Variants in PEBP4 observed in about 807,000 individuals in gnomAD.
PEBP4 encodes phosphatidylethanolamine binding protein 4, also known as phosphatidylethanolamine-binding protein 4.
In PEBP4, 22 loss-of-function variants were observed where a neutral mutation model predicts 23.9. That is an observed-to-expected ratio of 0.92 (90% confidence interval 0.66 to 1.31). The LOEUF (loss-of-function observed/expected upper bound fraction) is 1.31, where lower values mean the gene tolerates loss of function less well. Among genes scored for constraint, PEBP4 ranks in the 40% most tolerant of loss-of-function variants. The pLI is 0.00. For missense variants in PEBP4, 324 were observed against 281.7 expected (o/e 1.15, Z -1.07); for synonymous variants, 112 against 99.3 (o/e 1.13, Z -0.76).
chr8:22,931,517 T>C (rs1421760425), upstream of PEBP4, among the ~76,000 whole-genome samples: 1 of 152,188 alleles, frequency 6.6e-6, no homozygotes, highest in Non-Finnish European at 1.5e-5. Flanking sequence ...ATGACCACTT[T>C]CTTGGACATT....
chr8:22,874,583 G>T (rs1563245153), intron 3 of PEBP4, among the ~76,000 whole-genome samples: 1 of 151,926 alleles, frequency 6.6e-6, no homozygotes, highest in Admixed American at 6.6e-5. Context: ...GAAAATTCAG[G>T]AGTAAGAAAG....
intron 4 of PEBP4, among the ~76,000 whole-genome samples, chr8:22,733,272 C>T (rs1319165420): frequency 6.6e-6 from 1 of 152,200 alleles, no homozygotes. Flanking sequence ...AGTCCAAGTC[C>T]GTGGGCGCCC....
At chr8:22,858,784 TA>T (rs1807708334) in intron 3 of PEBP4, among the ~76,000 whole-genome samples, 1 of 152,138 alleles carries the variant, frequency 6.6e-6, no homozygotes, top group Admixed American at 6.5e-5. Flanking sequence ...CCGTCTTTAC[TA>T]AAAATATAAA....
chr8:22,735,934 A>C (rs1032045081), intron 4 of PEBP4, among the ~76,000 whole-genome samples: 7 of 152,240 alleles, frequency 4.6e-5, no homozygotes, highest in African/African-American at 1.7e-4. Context: ...CACTAGAAAG[A>C]AAAAGCATTC....
chr8:22,906,298 T>A (rs955198264), intron 3 of PEBP4, among the ~76,000 whole-genome samples: 1 of 152,080 alleles, frequency 6.6e-6, no homozygotes, highest in Non-Finnish European at 1.5e-5. Context: ...ACATCCCTAT[T>A]TCAATCCAGC....
At chr8:22,790,674 G>C (rs150225372) in intron 4 of PEBP4, among the ~76,000 whole-genome samples, 235 of 152,274 alleles carry the variant, frequency 1.5e-3, no homozygotes, top group African/African-American at 4.8e-3. Context: ...CAGTGTTCTA[G>C]TTCCGAATTT....
intron 3 of PEBP4, among the ~76,000 whole-genome samples, chr8:22,874,598 A>G (rs1808081924): frequency 6.6e-6 from 1 of 152,180 alleles, no homozygotes; most frequent in South Asian, 2.1e-4. Flanking sequence ...AGAAAGAAAA[A>G]AGTCAGCAAA....
chr8:22,722,547 T>C (rs532460851), intron 6 of PEBP4, among the ~76,000 whole-genome samples: 21 of 152,254 alleles, frequency 1.4e-4, no homozygotes, highest in Non-Finnish European at 2.8e-4. Flanking sequence ...AGACTTCCAA[T>C]TGTCCTTACA....
chr8:22,875,084 T>C (rs1241767425), intron 3 of PEBP4, among the ~76,000 whole-genome samples: 1 of 152,112 alleles, frequency 6.6e-6, no homozygotes, highest in African/African-American at 2.4e-5. Flanking sequence ...ACCATCCTTT[T>C]CCTTCGCCAC....
At chr8:22,844,018 GA>G (rs1313472618) in intron 3 of PEBP4, among the ~76,000 whole-genome samples, 1 of 151,964 alleles carries the variant, frequency 6.6e-6, no homozygotes, top group Non-Finnish European at 1.5e-5. Context: ...GAAAAGTGGG[GA>G]AAAAAATACC....
chr8:22,934,476 A>T (rs1333192046), intron 1 of PEBP4, among the ~76,000 whole-genome samples: 1 of 149,836 alleles, frequency 6.7e-6, no homozygotes, highest in African/African-American at 2.4e-5. Flanking sequence ...TGAATAAAAC[A>T]TGTCACTACA....
intron 3 of PEBP4, among the ~76,000 whole-genome samples, chr8:22,868,234 T>C (rs546286514): frequency 1.6e-4 from 25 of 152,340 alleles, no homozygotes; most frequent in African/African-American, 5.3e-4. Context: ...CCCCCTGGTT[T>C]TCTCTTCTTA....
At chr8:22,809,685 G>T (rs970030275) in intron 4 of PEBP4, among the ~76,000 whole-genome samples, 8 of 152,134 alleles carry the variant, frequency 5.3e-5, no homozygotes, top group Admixed American at 2.6e-4. Flanking sequence ...CACAGCACTT[G>T]GCATCACTTG....
intron 3 of PEBP4, among the ~76,000 whole-genome samples, chr8:22,857,994 T>C (rs115621897): frequency 2.6e-5 from 4 of 152,336 alleles, no homozygotes; most frequent in African/African-American, 9.6e-5. Flanking sequence ...CTCTTAGTTG[T>C]TAACCCAACC....
chr8:22,898,389 CCCAAAA>C (rs1808633927), intron 3 of PEBP4, among the ~76,000 whole-genome samples: 14 of 86,684 alleles, frequency 1.6e-4, no homozygotes, highest in East Asian at 9.3e-4. Flanking sequence ...AAGACTCCAC[CCCAAAA>C]AAAAAAAAAA....
chr8:22,788,081 T>C (rs901141880), intron 4 of PEBP4, among the ~76,000 whole-genome samples: 1 of 149,762 alleles, frequency 6.7e-6, no homozygotes, highest in Non-Finnish European at 1.5e-5. Flanking sequence ...TGGGAACATA[T>C]GAAGGGAAGG....
intron 4 of PEBP4, among the ~76,000 whole-genome samples, chr8:22,768,071 G>A (rs571233414): frequency 1.5e-4 from 23 of 152,228 alleles, no homozygotes; most frequent in African/African-American, 5.5e-4. Flanking sequence ...TGGAATTCCA[G>A]GCAAACACCT....
intron 4 of PEBP4, among the ~76,000 whole-genome samples, chr8:22,792,947 T>A (rs1806170777): frequency 6.6e-6 from 1 of 152,226 alleles, no homozygotes; most frequent in Non-Finnish European, 1.5e-5. Context: ...TTCCCCACCA[T>A]GATTGTAATA....
At chr8:22,728,609 T>TTCCTTCCTTCCC (rs1804672426) in intron 4 of PEBP4, among the ~76,000 whole-genome samples, 2 of 114,974 alleles carry the variant, frequency 1.7e-5, no homozygotes, top group African/African-American at 5.7e-5. Flanking sequence ...CCTTCCTTCC[T>TTCCTTCCTTCCC]TCCCTTTTTT....
Sources: allele counts gnomAD v4.1 joint callset (sites outside exome capture counted in the v4.1 genomes callset), GRCh38; gene constraint gnomAD v4.1.1; transcripts MANE v1.5; gene names NCBI Gene and HGNC (gene_info 2026-07-23, HGNC 2026-07-21).